The following SCLT1 variants were observed in gnomAD, a reference collection of about 807,000 sequenced individuals.
SCLT1 encodes sodium channel and clathrin linker 1.
SCLT1 carries 78 observed loss-of-function variants against 112.8 expected under a neutral mutation model. That is an observed-to-expected ratio of 0.69 (90% CI 0.58 to 0.83). The LOEUF (loss-of-function observed/expected upper bound fraction) is 0.83. SCLT1 is among the 40% of genes least tolerant of loss of function. SCLT1 has a pLI of 0.00. For missense variants in SCLT1, 747 were observed against 770.4 expected (o/e 0.97, Z 0.36); for synonymous variants, 257 against 254.7 (o/e 1.01, Z -0.09).
At chr4:129,080,157 T>C (rs1383395489) in intron 2 of SCLT1, among the ~76,000 whole-genome samples, 7 of 152,222 alleles carry the variant, frequency 4.6e-5, no homozygotes, top group South Asian at 2.1e-4. Flanking sequence ...CAAAATGCCT[T>C]TGAGGCATCT....
chr4:128,944,415 G>A (rs1302168797), intron 16 of SCLT1, among the ~76,000 whole-genome samples: 3 of 152,102 alleles, frequency 2.0e-5, no homozygotes, highest in African/African-American at 7.2e-5. Flanking sequence ...AGCTAGACCA[G>A]ATCAAGCCTC....
chr4:128,945,533 TAAG>T (rs1311887914), intron 16 of SCLT1, among the ~76,000 whole-genome samples: 1 of 152,058 alleles, frequency 6.6e-6, no homozygotes, highest in Non-Finnish European at 1.5e-5. Flanking sequence ...GCAATTCAAA[TAAG>T]AAAATTTTGC....
intron 18 of SCLT1, among the ~76,000 whole-genome samples, chr4:128,929,542 G>A (rs1443807067): frequency 6.6e-6 from 1 of 152,214 alleles, no homozygotes; most frequent in Non-Finnish European, 1.5e-5. Context: ...AGAAATGGCT[G>A]TAATTAGGTA....
intron 18 of SCLT1, among the ~76,000 whole-genome samples, chr4:128,918,462 C>G (rs373079891): frequency 6.6e-6 from 1 of 152,056 alleles, no homozygotes; most frequent in Non-Finnish European, 1.5e-5. Flanking sequence ...ACTGGTTTCT[C>G]TGAAATAACT....
intron 20 of SCLT1, among the ~76,000 whole-genome samples, chr4:128,887,818 T>C (rs538558854): frequency 5.3e-5 from 8 of 152,236 alleles, no homozygotes; most frequent in Admixed American, 3.9e-4. Context: ...TTTTTGGTCA[T>C]ATGAAAATAT....
chr4:129,013,239 G>C (rs1744699361), intron 5 of SCLT1, among the ~76,000 whole-genome samples: 1 of 152,108 alleles, frequency 6.6e-6, no homozygotes, highest in African/African-American at 2.4e-5. Context: ...AGAACACGCG[G>C]TATTTGGTTT....
intron 9 of SCLT1, among the ~76,000 whole-genome samples, chr4:128,980,093 C>T (rs540449043): frequency 2.0e-5 from 3 of 152,290 alleles, no homozygotes; most frequent in South Asian, 4.1e-4. Flanking sequence ...AGAAAACTAG[C>T]TGCCAACACA....
intron 18 of SCLT1, among the ~76,000 whole-genome samples, chr4:128,905,992 TAAG>T (rs1359225019): frequency 6.6e-6 from 1 of 152,172 alleles, no homozygotes; most frequent in East Asian, 1.9e-4. Context: ...TGAAAACTCC[TAAG>T]GAGAAGCTAC....
Position 128,894,841 on chromosome 4 carries a change from C to A in SCLT1, c.1830-3704G>T, listed in dbSNP as rs549737853. On this transcript the variant is annotated intron_variant, in intron 18 of 20. Transcript: ENST00000281142. ...TACAGGCACCCACCACCATGCCCAA[C>A]TAATTTTTGTATTTTTAGTAGAGAT... Among the ~76,000 whole-genome samples, 39 of 152,230 alleles carry A rather than the reference C, an allele frequency of 2.6e-4. No homozygotes were observed. The East Asian group carries it at 5.4e-3, about 21-fold the overall frequency.
intron 11 of SCLT1, among the ~76,000 whole-genome samples, chr4:128,963,304 T>A (rs1234765403): frequency 1.3e-5 from 2 of 152,230 alleles, no homozygotes; most frequent in East Asian, 3.8e-4. Flanking sequence ...TCCCTACTGA[T>A]GATAATCCTT....
chr4:129,088,925 T>C (rs145669393), intron 1 of SCLT1, among the ~76,000 whole-genome samples: 41,816 of 152,020 alleles, frequency 0.28, 6,049 homozygotes, highest in South Asian at 0.36. Context: ...GGCAATACCA[T>C]TCAGGACACA....
intron 10 of SCLT1, among the ~76,000 whole-genome samples, chr4:128,967,159 G>A (rs945325990): frequency 6.6e-6 from 1 of 152,124 alleles, no homozygotes; most frequent in Admixed American, 6.5e-5. Context: ...GCCTCCAACT[G>A]CATCCATATT....
chr4:128,929,470 A>T (rs1736581605), intron 18 of SCLT1, among the ~76,000 whole-genome samples: 1 of 152,234 alleles, frequency 6.6e-6, no homozygotes, highest in Non-Finnish European at 1.5e-5. Context: ...TTCTAATATG[A>T]ATACAGAAAT....
intron 18 of SCLT1, among the ~76,000 whole-genome samples, chr4:128,898,489 C>A (rs1017031431): frequency 9.2e-5 from 14 of 152,072 alleles, no homozygotes; most frequent in Admixed American, 4.6e-4. Context: ...AACAAAGACA[C>A]AACATACCAG....
At chr4:128,977,056 G>A (rs1741239018) in intron 9 of SCLT1, among the ~76,000 whole-genome samples, 1 of 152,146 alleles carries the variant, frequency 6.6e-6, no homozygotes, top group Admixed American at 6.5e-5. Flanking sequence ...TGATAGTTCT[G>A]TCTCTCTCTG....
intron 18 of SCLT1, among the ~76,000 whole-genome samples, chr4:128,902,157 GGCTTCCCAAAGT>G: frequency 6.6e-6 from 1 of 152,158 alleles, no homozygotes; most frequent in Admixed American, 6.5e-5. Flanking sequence ...CTCCCACCTC[GGCTTCCCAAAGT>G]GCTGGGATTA....
chr4:128,933,093 A>C (rs1245518139), intron 18 of SCLT1, among the ~76,000 whole-genome samples: 1 of 152,164 alleles, frequency 6.6e-6, no homozygotes, highest in Admixed American at 6.5e-5. Context: ...GAAATGGAAA[A>C]GATGATCCAA....
chr4:129,061,432 T>A (rs976472349), intron 2 of SCLT1, among the ~76,000 whole-genome samples: 7 of 151,730 alleles, frequency 4.6e-5, no homozygotes, highest in African/African-American at 1.7e-4. Flanking sequence ...GATGTTTCCT[T>A]GGGATAAGCA....
chr4:128,968,751 G>T (rs1323720301), intron 10 of SCLT1, among the ~76,000 whole-genome samples: 1 of 152,086 alleles, frequency 6.6e-6, no homozygotes, highest in Non-Finnish European at 1.5e-5. Context: ...ATCTTGCTTG[G>T]TCTTGAAATT....
Sources: gnomAD v4.1 joint callset for allele counts (sites outside exome capture counted in the v4.1 genomes callset) on GRCh38, gnomAD v4.1.1 for gene constraint, MANE v1.5 for transcripts, NCBI Gene and HGNC (gene_info 2026-07-23, HGNC 2026-07-21) for gene names.